NRG3: variants seen among roughly 807,000 people sequenced by gnomAD.
The protein encoded by NRG3 is pro-neuregulin-3, membrane-bound isoform.
Under a neutral mutation model 66.9 loss-of-function variants are expected in NRG3, and 31 were observed. The observed-to-expected ratio is 0.46, with a 90% CI of 0.35 to 0.63. The LOEUF (loss-of-function observed/expected upper bound fraction) is 0.63. NRG3 is among the 20% of genes least tolerant of loss of function. The pLI is 0.00. For synonymous variants in NRG3, 393 were observed against 359.4 expected, an observed-to-expected ratio of 1.09 and a Z score of -1.06; for missense variants, 910 against 878.9, an observed-to-expected ratio of 1.04 and a Z score of -0.45.
At chr10:82,895,779 C>A (rs907013961) in intron 4 of NRG3, among the ~76,000 whole-genome samples, 8 of 152,190 alleles carry the variant, frequency 5.3e-5, no homozygotes, top group Non-Finnish European at 8.8e-5. Flanking sequence ...ACGTGAGCCA[C>A]CGCGCCCTAC....
intron 1 of NRG3, among the ~76,000 whole-genome samples, chr10:82,032,128 A>C (rs1264914371): frequency 7.3e-6 from 1 of 137,750 alleles, no homozygotes. Flanking sequence ...TTTTTTTTTT[A>C]TTTCCAATCA....
At chr10:82,902,077 C>T (rs1269760730) in intron 4 of NRG3, among the ~76,000 whole-genome samples, 1 of 152,108 alleles carries the variant, frequency 6.6e-6, no homozygotes, top group East Asian at 1.9e-4. Context: ...TTTTTAGTAA[C>T]ATTATTCTAT....
At chr10:82,692,193 C>T (rs888717830) in intron 2 of NRG3, among the ~76,000 whole-genome samples, 1 of 148,816 alleles carries the variant, frequency 6.7e-6, no homozygotes, top group Admixed American at 6.7e-5. Context: ...GCAGAGGTTG[C>T]AGTGAGCTGA....
In NRG3 at chr10:82,917,966, G is replaced by GTATATATATA. The variant is rs1216370656; in HGVS notation, c.1055-33502_1055-33501insATATATATAT. Among the ~76,000 whole-genome samples, 790 of 90,370 alleles carry GTATATATATA rather than the reference G, an allele frequency of 8.7e-3. 1 individual carries two copies. Among genetic ancestry groups the GTATATATATA allele is most frequent in the Middle Eastern group, 0.019 (3 of 162 alleles). The allele number at this position is 90,370 out of a possible 152,430, so 59.3% of individuals were successfully genotyped here. ...TATGTGGGATTGTGTGTGTGTGTGT[G>GTATATATATA]TGTGTATATATATATATATATATAT... On this transcript the variant is annotated intron_variant, in intron 4 of 8. Coordinates refer to ENST00000372141, the MANE Select transcript of NRG3 (RefSeq NM_001010848.4).
intron 2 of NRG3, among the ~76,000 whole-genome samples, chr10:82,692,344 A>T (rs974403829): frequency 2.6e-5 from 4 of 152,136 alleles, no homozygotes; most frequent in African/African-American, 9.7e-5. Flanking sequence ...TTTTGGTAAA[A>T]AGAACTAGTA....
At chr10:82,879,756 A>G (rs1353116629) in intron 4 of NRG3, among the ~76,000 whole-genome samples, 1 of 152,068 alleles carries the variant, frequency 6.6e-6, no homozygotes, top group Non-Finnish European at 1.5e-5. Context: ...GATTACAGGT[A>G]TAAGCCACCA....
intron 3 of NRG3, among the ~76,000 whole-genome samples, chr10:82,750,428 A>C (rs1436207900): frequency 6.6e-6 from 1 of 152,178 alleles, no homozygotes; most frequent in African/African-American, 2.4e-5. Flanking sequence ...GATTAAGAAC[A>C]CAAACAGAGA....
intron 3 of NRG3, among the ~76,000 whole-genome samples, chr10:82,850,431 G>A (rs963573556): frequency 2.6e-5 from 4 of 152,084 alleles, no homozygotes; most frequent in South Asian, 2.1e-4. Flanking sequence ...TTTGAACAAC[G>A]GGGGAAAGGT....
chr10:82,204,402 C>T (rs1220998029), intron 1 of NRG3, among the ~76,000 whole-genome samples: 1 of 152,180 alleles, frequency 6.6e-6, no homozygotes, highest in Non-Finnish European at 1.5e-5. Context: ...TCAGTGGGCT[C>T]CTTTGCCCTC....
intron 2 of NRG3, among the ~76,000 whole-genome samples, chr10:82,733,540 C>T (rs2058020698): frequency 6.6e-6 from 1 of 152,160 alleles, no homozygotes; most frequent in South Asian, 2.1e-4. Flanking sequence ...GTTGACTGGG[C>T]TATCTATGTA....
At chr10:81,928,568 A>T (rs538000362) in intron 1 of NRG3, among the ~76,000 whole-genome samples, 1 of 152,342 alleles carries the variant, frequency 6.6e-6, no homozygotes, top group East Asian at 1.9e-4. Context: ...CCCAAATTAT[A>T]AAAACATGAA....
chr10:82,276,301 G>A (rs2078845225), intron 1 of NRG3, among the ~76,000 whole-genome samples: 1 of 152,012 alleles, frequency 6.6e-6, no homozygotes, highest in East Asian at 1.9e-4. Flanking sequence ...TTTGCATTTA[G>A]TTTAAATGAA....
At chr10:81,964,703 CAG>C (rs2059664324) in intron 1 of NRG3, among the ~76,000 whole-genome samples, 1 of 152,166 alleles carries the variant, frequency 6.6e-6, no homozygotes, top group Non-Finnish European at 1.5e-5. Flanking sequence ...GGCCATTCCA[CAG>C]AGAGTCAACC....
chr10:82,282,102 G>T (rs1263644303), intron 1 of NRG3, among the ~76,000 whole-genome samples: 2 of 152,022 alleles, frequency 1.3e-5, no homozygotes, highest in African/African-American at 4.8e-5. Flanking sequence ...GCAGGATAGT[G>T]GGGGCTGTGT....
intron 1 of NRG3, among the ~76,000 whole-genome samples, chr10:81,975,849 C>T (rs1324871747): frequency 6.6e-6 from 1 of 152,078 alleles, no homozygotes; most frequent in African/African-American, 2.4e-5. Flanking sequence ...AATATAATCA[C>T]AAGGGTCTTT....
At chr10:82,632,936 G>A (rs1301797869) in intron 2 of NRG3, among the ~76,000 whole-genome samples, 1 of 152,128 alleles carries the variant, frequency 6.6e-6, no homozygotes, top group Non-Finnish European at 1.5e-5. Flanking sequence ...CTATAGTTAA[G>A]GTATCTGGAT....
intron 3 of NRG3, among the ~76,000 whole-genome samples, chr10:82,862,916 A>C (rs2135932020): frequency 6.6e-6 from 1 of 152,288 alleles, no homozygotes; most frequent in African/African-American, 2.4e-5. Flanking sequence ...ATAGGTATAC[A>C]TGTACCATGG....
intron 1 of NRG3, among the ~76,000 whole-genome samples, chr10:82,184,946 C>A (rs1589244752): frequency 6.6e-6 from 1 of 152,094 alleles, no homozygotes; most frequent in Admixed American, 6.6e-5. Flanking sequence ...TAATTTCATT[C>A]CAATTAAGCT....
At chr10:81,911,164 A>G (rs1001833515) in intron 1 of NRG3, among the ~76,000 whole-genome samples, 2 of 152,112 alleles carry the variant, frequency 1.3e-5, no homozygotes, top group South Asian at 2.1e-4. Context: ...CCTTACTGCT[A>G]TGTCTTTATT....
Sources: gnomAD v4.1 joint callset for allele counts (sites outside exome capture counted in the v4.1 genomes callset) on GRCh38, gnomAD v4.1.1 for gene constraint, MANE v1.5 for transcripts, NCBI Gene and HGNC (gene_info 2026-07-23, HGNC 2026-07-21) for gene names.